The following KDM4C variants were observed in gnomAD, a reference collection of about 807,000 sequenced individuals.
The protein encoded by KDM4C is lysine demethylase 4C.
KDM4C carries 81 observed loss-of-function variants against 129.3 expected under a neutral mutation model. The ratio of observed to expected loss-of-function variants is 0.63; its 90% CI spans 0.52 to 0.75. The LOEUF is 0.75. Ranked by LOEUF, KDM4C falls within the 30% of genes least tolerant of loss-of-function variation. The probability of loss-of-function intolerance (pLI) is 0.00; values close to 1 mark genes in which losing one functional copy is unlikely to be tolerated. For synonymous variants in KDM4C, 573 were observed against 456.1 expected (o/e 1.26, Z -3.26); for missense variants, 1,457 against 1,304.0 (o/e 1.12, Z -1.81).
intron 1 of KDM4C, among the ~76,000 whole-genome samples, chr9:6,740,100 G>C (rs1817637703): frequency 6.6e-6 from 1 of 151,970 alleles, no homozygotes; most frequent in Non-Finnish European, 1.5e-5. Flanking sequence ...ATTTTGGCCA[G>C]GATGGCCTCG....
intron 8 of KDM4C, among the ~76,000 whole-genome samples, chr9:6,969,944 C>T (rs924723384): frequency 4.6e-5 from 7 of 152,294 alleles, no homozygotes; most frequent in African/African-American, 1.7e-4. Flanking sequence ...TGACTGTTAG[C>T]TTCTGTAGGA....
intron 8 of KDM4C, among the ~76,000 whole-genome samples, chr9:6,938,253 A>G (rs961348863): frequency 7.2e-5 from 11 of 152,140 alleles, no homozygotes; most frequent in African/African-American, 2.7e-4. Flanking sequence ...TTTATATGTT[A>G]TGTGCAATAT....
At chr9:6,783,339 G>A (rs1447042230) in intron 1 of KDM4C, among the ~76,000 whole-genome samples, 1 of 152,232 alleles carries the variant, frequency 6.6e-6, no homozygotes, top group Non-Finnish European at 1.5e-5. Flanking sequence ...GGATAGAGAA[G>A]CAGATTTTGG....
At chr9:7,146,876 C>T (rs1289487391) in intron 19 of KDM4C, among the ~76,000 whole-genome samples, 1 of 152,184 alleles carries the variant, frequency 6.6e-6, no homozygotes, top group Admixed American at 6.5e-5. Flanking sequence ...CTGTTGTAGC[C>T]TCCTTTCTCT....
At chr9:6,872,335 A>T (rs1480569986) in intron 5 of KDM4C, among the ~76,000 whole-genome samples, 1 of 152,176 alleles carries the variant, frequency 6.6e-6, no homozygotes, top group Non-Finnish European at 1.5e-5. Context: ...AAGATGAGAA[A>T]TAAAGAGGTA....
At chr9:6,759,672 A>G (rs1419242587) in intron 1 of KDM4C, among the ~76,000 whole-genome samples, 1 of 152,040 alleles carries the variant, frequency 6.6e-6, no homozygotes, top group Non-Finnish European at 1.5e-5. Context: ...TGAAAATCAG[A>G]CCCGGCGCCG....
At chr9:7,144,334 C>T (rs189612095) in intron 19 of KDM4C, among the ~76,000 whole-genome samples, 5 of 152,284 alleles carry the variant, frequency 3.3e-5, no homozygotes, top group Non-Finnish European at 5.9e-5. Flanking sequence ...CTTACAGGTT[C>T]TTTGGTTGGT....
chr9:6,917,153 A>T (rs990155319), intron 8 of KDM4C, among the ~76,000 whole-genome samples: 3 of 152,148 alleles, frequency 2.0e-5, no homozygotes, highest in African/African-American at 7.2e-5. Flanking sequence ...TGTGGGAGAG[A>T]TGCTCAGGAA....
chr9:7,174,572 G>T lies in KDM4C; in HGVS notation c.3014G>T (p.Arg1005Leu). The T allele has an allele frequency of 3.7e-6, 6 of 1,614,128 alleles. No individual in the cohort carries two copies. Among genetic ancestry groups the T allele is most frequent in the Non-Finnish European group, 5.1e-6 (6 of 1,179,992 alleles). Reference sequence around the variant, plus strand: ...TTTTAGTCCACAGCCTCTGACATGCGATTTGAAGACACGTTTTATGGAGCA... The same window carrying T: ...TTTTAGTCCACAGCCTCTGACATGCTATTTGAAGACACGTTTTATGGAGCA... ...KARFSTASDM[R>L]FEDTFYGADI... The change falls in exon 22 of 22, where the codon CGA becomes CTA. Residue 1005 changes from arginine (R) to leucine (L), a missense_variant. Transcript: ENST00000381309.
intron 9 of KDM4C, chr9:6,982,153 A>G (rs1816872226): frequency 6.6e-6 from 1 of 151,578 alleles, no homozygotes; most frequent in Non-Finnish European, 1.5e-5. Context: ...CACTTTTTTG[A>G]TATTAACTAA....
intron 1 of KDM4C, among the ~76,000 whole-genome samples, chr9:6,775,137 C>T (rs1023957082): frequency 6.6e-6 from 1 of 152,206 alleles, no homozygotes; most frequent in Non-Finnish European, 1.5e-5. Flanking sequence ...CTGTCTCAGC[C>T]TCCCGAGTAG....
intron 18 of KDM4C, among the ~76,000 whole-genome samples, chr9:7,124,838 T>C (rs1430585805): frequency 1.3e-5 from 2 of 152,172 alleles, no homozygotes; most frequent in African/African-American, 4.8e-5. Context: ...CTGTCAGGTG[T>C]GTGGGACACT....
intron 8 of KDM4C, among the ~76,000 whole-genome samples, chr9:6,916,650 G>C (rs1284463543): frequency 1.3e-5 from 2 of 152,232 alleles, no homozygotes; most frequent in Admixed American, 6.5e-5. Flanking sequence ...TTACAGGCAA[G>C]ATAATTTATA....
intron 2 of KDM4C, 48 bp from the exon 3 acceptor site, chr9:6,805,551 C>T: frequency 7.6e-7 from 1 of 1,309,276 alleles, no homozygotes; most frequent in Non-Finnish European, 1.0e-6. Context: ...AGCTAAATTA[C>T]TTGGAGTATT....
At chr9:7,168,796 G>T (rs943764548) in intron 20 of KDM4C, among the ~76,000 whole-genome samples, 6 of 152,272 alleles carry the variant, frequency 3.9e-5, no homozygotes, top group Non-Finnish European at 5.9e-5. Context: ...CGGGCATGGT[G>T]GCTGACACCT....
intron 2 of KDM4C, among the ~76,000 whole-genome samples, chr9:6,799,134 A>G (rs1172733244): frequency 6.6e-6 from 1 of 152,040 alleles, no homozygotes; most frequent in Non-Finnish European, 1.5e-5. Flanking sequence ...GCGGCCAGGC[A>G]GAGACACTCC....
chr9:7,055,483 A>G (rs755165670), intron 17 of KDM4C, among the ~76,000 whole-genome samples: 6 of 152,258 alleles, frequency 3.9e-5, no homozygotes, highest in Non-Finnish European at 8.8e-5. Context: ...TGACTGAGCT[A>G]CAAGCCTTTC....
In KDM4C at chr9:6,888,059, A is replaced by G. The variant is rs781416038; in HGVS notation, c.779A>G (p.Asp260Gly). ...TTGAAGAAATATGGTATTCCCTTTG[A>G]CAAGGTATGTTAGTATTCATCTTAC... ...SVLKKYGIPF[D>G]KITQEAGEFM... Residue 260 changes from aspartate (D) to glycine (G), a missense_variant, in exon 7 of 22, where the codon GAC (aspartate) becomes GGC (glycine). Coordinates refer to ENST00000381309, the MANE Select transcript of KDM4C (RefSeq NM_015061.6). 8.5e-6 allele frequency: 13 copies of G among 1,523,154 alleles called. No individual in the cohort carries two copies. In the East Asian group the frequency reaches 2.5e-4, roughly 29 times the overall value. 94.4% of individuals were successfully genotyped at this position (1,523,154 alleles called of 1,614,324 possible). A position where few individuals can be genotyped will look rare whatever the true frequency, so the allele number is the denominator to read the frequency against.
At chr9:7,144,603 A>G (rs1270931461) in intron 19 of KDM4C, among the ~76,000 whole-genome samples, 1 of 152,222 alleles carries the variant, frequency 6.6e-6, no homozygotes, top group African/African-American at 2.4e-5. Context: ...ATCTCTGACT[A>G]TAAACATTGG....
Sources: allele counts gnomAD v4.1 joint callset (sites outside exome capture counted in the v4.1 genomes callset), GRCh38; gene constraint gnomAD v4.1.1; transcripts MANE v1.5; gene names NCBI Gene and HGNC (gene_info 2026-07-23, HGNC 2026-07-21).